WWOX: variants seen among roughly 807,000 people sequenced by gnomAD.
WWOX encodes the protein WW domain containing oxidoreductase.
WWOX carries 69 observed loss-of-function variants against 46.2 expected under a neutral mutation model. The ratio of observed to expected loss-of-function variants is 1.49; its 90% confidence interval spans 1.23 to 1.82. The LOEUF is 1.82. Ranked by LOEUF, WWOX falls within the 40% of genes most tolerant of loss-of-function variation. The pLI is 0.00. For synonymous variants in WWOX, 359 were observed against 202.6 expected (o/e 1.77, Z -6.56); for missense variants, 919 against 542.6 (o/e 1.69, Z -6.89).
intron 6 of WWOX, among the ~76,000 whole-genome samples, chr16:78,408,513 T>C (rs2082601067): frequency 6.6e-6 from 1 of 152,124 alleles, no homozygotes; most frequent in South Asian, 2.1e-4. Context: ...TTCTTCCTGG[T>C]TGTGAGACAA....
chr16:79,148,851 G>A (rs919411994), intron 8 of WWOX, among the ~76,000 whole-genome samples: 4 of 152,112 alleles, frequency 2.6e-5, no homozygotes, highest in Non-Finnish European at 4.4e-5. Flanking sequence ...TGAGTTTTGT[G>A]TGTTGATCTT....
chr16:78,798,571 C>A (rs934249746), intron 8 of WWOX, among the ~76,000 whole-genome samples: 11 of 146,558 alleles, frequency 7.5e-5, no homozygotes, highest in African/African-American at 2.7e-4. Flanking sequence ...CCTCCCTCCC[C>A]CCAAGGTAGT....
intron 8 of WWOX, among the ~76,000 whole-genome samples, chr16:78,737,618 A>G (rs1167591285): frequency 2.0e-5 from 3 of 152,064 alleles, no homozygotes; most frequent in South Asian, 4.2e-4. Flanking sequence ...CCCAAAGTCC[A>G]TTGTATCATT....
chr16:78,597,667 C>G (rs969729601), intron 8 of WWOX, among the ~76,000 whole-genome samples: 2 of 151,696 alleles, frequency 1.3e-5, no homozygotes, highest in African/African-American at 4.8e-5. Flanking sequence ...TTTCCAAACC[C>G]CTAAATTGTG....
At chr16:78,634,772 A>T (rs1175037617) in intron 8 of WWOX, among the ~76,000 whole-genome samples, 1 of 150,376 alleles carries the variant, frequency 6.6e-6, no homozygotes, top group Admixed American at 6.6e-5. Context: ...GGACGGAATG[A>T]AGCTGAGGGC....
intron 8 of WWOX, among the ~76,000 whole-genome samples, chr16:79,183,959 G>T (rs149677487): frequency 3.9e-5 from 6 of 152,284 alleles, no homozygotes; most frequent in African/African-American, 1.4e-4. Context: ...CTTTGGTGTC[G>T]TGCTTGCCTT....
intron 8 of WWOX, among the ~76,000 whole-genome samples, chr16:78,893,193 G>C (rs1337830531): frequency 1.4e-5 from 2 of 144,282 alleles, no homozygotes; most frequent in East Asian, 2.0e-4. Context: ...ACTATAGCTA[G>C]AAAAAAAAAA....
intron 6 of WWOX, among the ~76,000 whole-genome samples, chr16:78,403,353 T>C (rs370104979): frequency 6.2e-4 from 94 of 152,354 alleles, no homozygotes; most frequent in African/African-American, 2.2e-3. Flanking sequence ...CTTAAAACTA[T>C]TCTATAAAGT....
At chr16:78,706,914 C>T (rs1050443826) in intron 8 of WWOX, among the ~76,000 whole-genome samples, 4 of 152,282 alleles carry the variant, frequency 2.6e-5, no homozygotes, top group Non-Finnish European at 5.9e-5. Context: ...GTTCCCGCCT[C>T]GGCCTCCCAA....
chr16:78,227,701 A>T (rs1435693847), intron 5 of WWOX, among the ~76,000 whole-genome samples: 5 of 152,048 alleles, frequency 3.3e-5, no homozygotes, highest in African/African-American at 1.2e-4. Flanking sequence ...ACATGGTGAA[A>T]CCCTGTCTCT....
chr16:79,187,947 G>C (rs923102966), intron 8 of WWOX, among the ~76,000 whole-genome samples: 2 of 152,224 alleles, frequency 1.3e-5, no homozygotes, highest in Admixed American at 1.3e-4. Flanking sequence ...AGGCACGATT[G>C]ATAATGTTCC....
At chr16:78,300,683 C>A (rs900117254) in intron 5 of WWOX, among the ~76,000 whole-genome samples, 1 of 152,146 alleles carries the variant, frequency 6.6e-6, no homozygotes, top group Non-Finnish European at 1.5e-5. Context: ...TAACCATTTT[C>A]AGCTATGCCA....
intron 8 of WWOX, among the ~76,000 whole-genome samples, chr16:78,509,925 A>T (rs1405249867): frequency 3.4e-4 from 1 of 2,922 alleles, no homozygotes; most frequent in Non-Finnish European, 4.9e-3. Flanking sequence ...TCATCTCTTT[A>T]AAAAAAAAAA....
At chr16:79,063,669 C>T (rs777662914) in intron 8 of WWOX, among the ~76,000 whole-genome samples, 1 of 152,184 alleles carries the variant, frequency 6.6e-6, no homozygotes, top group African/African-American at 2.4e-5. Flanking sequence ...TTTTCCTTCT[C>T]TTTTGGATTG....
chr16:78,268,016 G>T (rs1457092952), intron 5 of WWOX, among the ~76,000 whole-genome samples: 1 of 151,860 alleles, frequency 6.6e-6, no homozygotes, highest in Admixed American at 6.6e-5. Flanking sequence ...ACAGGGTTTT[G>T]CCATGTTGCC....
chr16:78,499,919 T>C (rs1257831880), intron 8 of WWOX, among the ~76,000 whole-genome samples: 1 of 152,168 alleles, frequency 6.6e-6, no homozygotes, highest in Non-Finnish European at 1.5e-5. Flanking sequence ...CTTGCCTAAA[T>C]AGGATTAAGT....
intron 8 of WWOX, among the ~76,000 whole-genome samples, chr16:78,768,398 T>G (rs190641834): frequency 1.3e-5 from 2 of 151,536 alleles, no homozygotes; most frequent in Non-Finnish European, 1.5e-5. Context: ...GAGACCACAC[T>G]GGCCAACATG....
intron 5 of WWOX, chr16:78,355,755 C>T (rs2081272499): frequency 1.4e-6 from 1 of 709,872 alleles, no homozygotes; most frequent in South Asian, 1.3e-5. Context: ...ACATATGAAT[C>T]AACAAAACAG....
intron 8 of WWOX, among the ~76,000 whole-genome samples, chr16:78,835,823 G>T (rs1168014195): frequency 2.0e-5 from 3 of 152,044 alleles, no homozygotes; most frequent in Non-Finnish European, 4.4e-5. Context: ...AACTTCTTTT[G>T]GTAGGAAAAG....
Sources: allele counts gnomAD v4.1 joint callset (sites outside exome capture counted in the v4.1 genomes callset), GRCh38; gene constraint gnomAD v4.1.1; transcripts MANE v1.5; gene names NCBI Gene and HGNC (gene_info 2026-07-23, HGNC 2026-07-21).